HIP1: variants seen among roughly 807,000 people sequenced by gnomAD.
HIP1 encodes huntingtin interacting protein 1.
A neutral mutation model predicts 147.6 loss-of-function variants in HIP1; 65 were observed. That is an observed-to-expected ratio of 0.44 (90% CI 0.36 to 0.54). The LOEUF is 0.54. Ranked by LOEUF, HIP1 falls within the 20% of genes least tolerant of loss-of-function variation. The pLI is 0.00. For synonymous variants in HIP1, 479 were observed against 504.0 expected, an observed-to-expected ratio of 0.95 and a Z score of 0.67; for missense variants, 1,061 against 1,299.6, an observed-to-expected ratio of 0.82 and a Z score of 2.82.
Position 75,622,258 on chromosome 7 carries a change from T to C in HIP1, c.121-23011A>G, listed in dbSNP as rs1192427861. Among the ~76,000 whole-genome samples the C allele has an allele frequency of 6.1e-5, 9 of 147,904 alleles. No individual in the cohort carries two copies. The East Asian group carries it at 7.9e-4, about 13-fold the overall frequency. ...TGCCACTGCACTCTAGCCTGGGTGA[T>C]AGAGTGAGACTCTGTCTCAAAAAAA... On this transcript the variant is annotated intron_variant, in intron 1 of 30. Transcript: ENST00000336926.
intron 1 of HIP1, among the ~76,000 whole-genome samples, chr7:75,677,379 G>A (rs1799929326): frequency 6.6e-6 from 1 of 151,316 alleles, no homozygotes; most frequent in Admixed American, 6.6e-5. Context: ...GCCAAAGCGA[G>A]TTGATAACCT....
intron 1 of HIP1, among the ~76,000 whole-genome samples, chr7:75,612,064 G>C (rs1212512172): frequency 3.3e-5 from 5 of 152,192 alleles, no homozygotes; most frequent in African/African-American, 4.8e-5. Flanking sequence ...CCCAGCCCTC[G>C]GGCTGCCAAG....
intron 1 of HIP1, among the ~76,000 whole-genome samples, chr7:75,631,413 C>T (rs1235649033): frequency 6.6e-6 from 1 of 152,110 alleles, no homozygotes; most frequent in African/African-American, 2.4e-5. Flanking sequence ...AGCAACGGGA[C>T]CTTAGCCTCT....
chr7:75,716,157 AC>A (rs1219660242), intron 1 of HIP1, among the ~76,000 whole-genome samples: 1 of 151,872 alleles, frequency 6.6e-6, no homozygotes, highest in African/African-American at 2.4e-5. Flanking sequence ...AAACCACATC[AC>A]CCTATAATTA....
At chr7:75,711,405 A>G (rs1801161482) in intron 1 of HIP1, among the ~76,000 whole-genome samples, 1 of 152,210 alleles carries the variant, frequency 6.6e-6, no homozygotes, top group Admixed American at 6.5e-5. Context: ...AAAGGAGGAA[A>G]AAAAGATGGT....
chr7:75,696,510 TCCTCCCCTCCCCTCCCTTCC>T (rs1320310266), intron 1 of HIP1, among the ~76,000 whole-genome samples: 12 of 112,918 alleles, frequency 1.1e-4, no homozygotes, highest in Non-Finnish European at 1.9e-4. Flanking sequence ...CCTTCCCTTC[TCCTCCCCTCCCCTCCCTTCC>T]CCTCCCCTCC....
At position 75,536,792 on chromosome 7, in the gene HIP1, T is replaced by C. The variant is rs1794099182; in HGVS notation, c.*1380A>G. 1.3e-5 allele frequency: 3 copies of C among 229,798 alleles called. No homozygotes were observed. The highest frequency in any genetic ancestry group is 3.6e-4 in the South Asian group (2 of 5,510). The allele number at this position is 229,798 out of a possible 1,614,324, so 14.2% of individuals were successfully genotyped here. The stretch of plus-strand genomic sequence containing the variant: ...CTTTCTTCTGATTCTTGAAGGCTGA[T>C]GTAGCCGGGCAGAAAGATGAGCCTT... On this transcript the variant is annotated 3_prime_UTR_variant, in exon 31 of 31. Transcript: ENST00000336926.
At chr7:75,543,748 G>T (rs1284360354) in intron 27 of HIP1, among the ~76,000 whole-genome samples, 1 of 152,164 alleles carries the variant, frequency 6.6e-6, no homozygotes, top group East Asian at 1.9e-4. Flanking sequence ...TGAATGCCAG[G>T]ACTGCTAATC....
intron 7 of HIP1, among the ~76,000 whole-genome samples, chr7:75,578,324 C>T (rs1554498070): frequency 6.6e-6 from 1 of 152,098 alleles, no homozygotes; most frequent in Non-Finnish European, 1.5e-5. Context: ...TGCACTTTCC[C>T]AAGGATGACA....
chr7:75,643,662 A>G (rs1584914207), intron 1 of HIP1, among the ~76,000 whole-genome samples: 1 of 152,284 alleles, frequency 6.6e-6, no homozygotes, highest in East Asian at 1.9e-4. Flanking sequence ...GGAGAATGTA[A>G]TGAAATGTTA....
chr7:75,694,409 C>T (rs539668727), intron 1 of HIP1, among the ~76,000 whole-genome samples: 10 of 152,080 alleles, frequency 6.6e-5, no homozygotes, highest in African/African-American at 2.4e-4. Context: ...ATTTCCTTAC[C>T]TCTATTGTCT....
intron 1 of HIP1, among the ~76,000 whole-genome samples, chr7:75,719,723 C>T (rs1801443388): frequency 6.6e-6 from 1 of 151,976 alleles, no homozygotes; most frequent in Non-Finnish European, 1.5e-5. Context: ...CCTGGCCCTC[C>T]ACGCTCTTTT....
Position 75,563,200 on chromosome 7 carries a change from G to A in HIP1, c.867C>T (p.Pro289=). The change falls in exon 10 of 31, where the codon CCC becomes CCT. Residue 289 remains proline (P), a synonymous_variant. Coordinates refer to ENST00000336926, the MANE Select transcript of HIP1 (RefSeq NM_005338.7). ...LQYFKRLIQI[P]QLPENPPNFL... ...TGGGCATGCTTACCTCAGGCAGCTG[G>A]GGGATCTGAATGAGCCGCTTGAAGT... is the stretch of plus-strand genomic sequence containing the variant. 6.2e-7 allele frequency: 1 copy of A among 1,614,210 alleles called. No homozygotes were observed. The highest frequency in any genetic ancestry group is 1.3e-5 in the African/African-American group (1 of 75,058).
intron 9 of HIP1, among the ~76,000 whole-genome samples, chr7:75,565,243 C>T (rs900186249): frequency 2.0e-5 from 3 of 151,776 alleles, no homozygotes; most frequent in South Asian, 2.1e-4. Context: ...AGACAGCAGC[C>T]GTGTCTGTGT....
chr7:75,629,780 G>A (rs1418353448), intron 1 of HIP1, among the ~76,000 whole-genome samples: 1 of 152,116 alleles, frequency 6.6e-6, no homozygotes, highest in Non-Finnish European at 1.5e-5. Context: ...GACCTCAGGT[G>A]ATCCTCCCGC....
chr7:75,699,017 T>C (rs1353911990), intron 1 of HIP1, among the ~76,000 whole-genome samples: 7 of 152,084 alleles, frequency 4.6e-5, no homozygotes, highest in African/African-American at 1.7e-4. Flanking sequence ...TTTCACTTTT[T>C]TTTTCTGGAA....
rs573976515 is a variant in HIP1 at position 75,703,013 on chromosome 7, C to T, written c.120+35788G>A. Among the ~76,000 whole-genome samples the T allele has an allele frequency of 5.3e-5, 8 of 152,034 alleles. No homozygotes were observed. The East Asian group carries it at 1.4e-3, about 26-fold the overall frequency. ...AGGAGGTCAAACATCCAAACTGTAG[C>T]GGGAATTAAGACTTCTGGTAGAGAA... On this transcript the variant is annotated intron_variant, in intron 1 of 30. Transcript: ENST00000336926.
intron 20 of HIP1, 90 bp from the exon 21 acceptor site, chr7:75,554,310 C>A (rs1794908632): frequency 7.7e-7 from 1 of 1,304,356 alleles, no homozygotes; most frequent in Non-Finnish European, 1.1e-6. Flanking sequence ...TGCCTACATG[C>A]CTTTCTTGTA....
chr7:75,555,361 A>G, intron 19 of HIP1, 55 bp downstream of exon 19: 1 of 1,601,888 alleles, frequency 6.2e-7, no homozygotes, highest in Non-Finnish European at 8.5e-7. Flanking sequence ...CAACATCAAC[A>G]GAGTCTCAGG....
Sources: allele counts gnomAD v4.1 joint callset (sites outside exome capture counted in the v4.1 genomes callset), GRCh38; gene constraint gnomAD v4.1.1; transcripts MANE v1.5; gene names NCBI Gene and HGNC (gene_info 2026-07-23, HGNC 2026-07-21).